CPEB3: variants seen among roughly 807,000 people sequenced by gnomAD.
The protein encoded by CPEB3 is cytoplasmic polyadenylation element binding protein 3.
Under a neutral mutation model 67.2 loss-of-function variants are expected in CPEB3, and 20 were observed. That is an observed-to-expected ratio of 0.30 (90% CI 0.21 to 0.43). The LOEUF (loss-of-function observed/expected upper bound fraction) is 0.43, where lower values mean the gene tolerates loss of function less well. Among genes scored for constraint, CPEB3 ranks in the 20% least tolerant of loss-of-function variants. CPEB3 has a pLI of 1.00. For missense variants in CPEB3, 746 were observed against 968.6 expected (o/e 0.77, Z 3.05); for synonymous variants, 376 against 393.1 (o/e 0.96, Z 0.51).
intron 1 of CPEB3, among the ~76,000 whole-genome samples, chr10:92,253,481 A>AAAAAAAAAG (rs1564910688): frequency 2.8e-4 from 41 of 144,800 alleles, no homozygotes; most frequent in Non-Finnish European, 4.8e-4. Flanking sequence ...AAAAAAAAAA[A>AAAAAAAAAG]AAAGAAAAGA....
intron 6 of CPEB3, among the ~76,000 whole-genome samples, chr10:92,119,321 A>G (rs855708): frequency 6.6e-6 from 1 of 152,038 alleles, no homozygotes; most frequent in Non-Finnish European, 1.5e-5. Flanking sequence ...ACCTTGTAGA[A>G]CATAAGAGTG....
intron 2 of CPEB3, among the ~76,000 whole-genome samples, chr10:92,238,382 C>T (rs958267851): frequency 2.0e-5 from 3 of 152,180 alleles, no homozygotes. Flanking sequence ...CTCTTCATTT[C>T]AACCTTTTTG....
chr10:92,210,222 G>C (rs1402735917), intron 2 of CPEB3, among the ~76,000 whole-genome samples: 1 of 152,152 alleles, frequency 6.6e-6, no homozygotes, highest in African/African-American at 2.4e-5. Flanking sequence ...TAATCTCCCT[G>C]TGTATGAGTT....
At chr10:92,199,962 A>G (rs1171779550) in intron 2 of CPEB3, among the ~76,000 whole-genome samples, 2 of 151,874 alleles carry the variant, frequency 1.3e-5, no homozygotes, top group Non-Finnish European at 2.9e-5. Context: ...TCCTGCCTCC[A>G]CTCACTGTCT....
At chr10:92,052,530 T>TTGA in intron 9 of CPEB3, 91 bp from the exon 10 acceptor site, 1 of 1,084,606 alleles carries the variant, frequency 9.2e-7, no homozygotes, top group Non-Finnish European at 1.4e-6. Flanking sequence ...AGCTTCAACG[T>TTGA]ATGTCTCAAT....
At chr10:92,066,067 A>G (rs1842536402) in intron 9 of CPEB3, among the ~76,000 whole-genome samples, 2 of 152,068 alleles carry the variant, frequency 1.3e-5, no homozygotes, top group African/African-American at 4.8e-5. Flanking sequence ...ACTGCACTCC[A>G]AACTGGGTGA....
chr10:92,222,464 G>C (rs544881285), intron 2 of CPEB3, among the ~76,000 whole-genome samples: 28 of 152,250 alleles, frequency 1.8e-4, no homozygotes, highest in African/African-American at 6.7e-4. Flanking sequence ...TTTAGAAAAA[G>C]CTAGATACAA....
chr10:92,235,754 C>G (rs968744206), intron 2 of CPEB3, among the ~76,000 whole-genome samples: 1 of 152,208 alleles, frequency 6.6e-6, no homozygotes, highest in Non-Finnish European at 1.5e-5. Context: ...TTGCTTATGA[C>G]AGAAATTATC....
At position 92,285,947 on chromosome 10, in the gene CPEB3, C is replaced by CTT. The variant is rs11380868; in HGVS notation, c.-12+4977_-12+4978dup. Among the ~76,000 whole-genome samples, 1,334 of 142,736 alleles carry CTT rather than the reference C, an allele frequency of 9.3e-3. 27 individuals carry two copies. Among genetic ancestry groups the CTT allele is most frequent in the African/African-American group, 0.032 (1,262 of 38,960 alleles). The allele number at this position is 142,736 out of a possible 152,430, so 93.6% of individuals were successfully genotyped here. On this transcript the variant is annotated intron_variant, in intron 1 of 9. Coordinates refer to ENST00000265997, the MANE Select transcript of CPEB3 (RefSeq NM_014912.5). Reference sequence around the variant, plus strand: ...TATACTCTGTTTTATTTGCTTTTTTCTTTTTTTTTTTTTGAGAGGGAGTCT... The same window carrying CTT: ...TATACTCTGTTTTATTTGCTTTTTTCTTTTTTTTTTTTTTTGAGAGGGAGTCT...
chr10:92,149,105 T>A lies in CPEB3; in HGVS notation c.1223-4020A>T, dbSNP rs540161254. On this transcript the variant is annotated intron_variant, in intron 4 of 9. Transcript: ENST00000265997. ...TAGTAGAGACAAGGTTTCGCCGTGT[T>A]GGCCAGGCTGGTCTTGAACTCCTGA... Among the ~76,000 whole-genome samples, 3 of 152,326 alleles carry A rather than the reference T, an allele frequency of 2.0e-5. No individual in the cohort carries two copies. In the South Asian group the frequency reaches 6.2e-4, roughly 32 times the overall value.
chr10:92,277,444 A>C (rs1564927876), intron 1 of CPEB3, among the ~76,000 whole-genome samples: 1 of 152,194 alleles, frequency 6.6e-6, no homozygotes, highest in African/African-American at 2.4e-5. Flanking sequence ...AAATCTATTG[A>C]CTATAAAAGT....
chr10:92,237,374 C>T (rs1361729136), intron 2 of CPEB3, among the ~76,000 whole-genome samples: 1 of 152,244 alleles, frequency 6.6e-6, no homozygotes, highest in Non-Finnish European at 1.5e-5. Flanking sequence ...TATCCAATAG[C>T]ATCACCAGGG....
chr10:92,072,634 A>AC (rs1384435097), intron 9 of CPEB3, among the ~76,000 whole-genome samples: 1 of 152,218 alleles, frequency 6.6e-6, no homozygotes, highest in Non-Finnish European at 1.5e-5. Context: ...CTAGGAATAG[A>AC]CCCAGATCTC....
intron 2 of CPEB3, among the ~76,000 whole-genome samples, chr10:92,232,316 A>G (rs1256198165): frequency 3.3e-5 from 5 of 151,876 alleles, no homozygotes; most frequent in Non-Finnish European, 7.4e-5. Context: ...CGGCCTCCCA[A>G]AGTGCTGGGA....
At chr10:92,052,547 C>T (rs1366723355) in intron 9 of CPEB3, 108 bp from the exon 10 acceptor site, 1 of 872,474 alleles carries the variant, frequency 1.1e-6, no homozygotes, top group African/African-American at 1.7e-5. Flanking sequence ...CAATCAGACG[C>T]TGCTTTCAAC....
At chr10:92,245,133 C>CTT (rs989695063) in intron 1 of CPEB3, among the ~76,000 whole-genome samples, 1,306 of 98,012 alleles carry the variant, frequency 0.013, 21 homozygotes, top group Non-Finnish European at 0.015. Context: ...AGAAAAGAGT[C>CTT]TTTTTTTTTT....
chr10:92,241,654 C>A (rs1369529578), intron 1 of CPEB3, among the ~76,000 whole-genome samples: 1 of 152,078 alleles, frequency 6.6e-6, no homozygotes, highest in Non-Finnish European at 1.5e-5. Context: ...GGGCTATATT[C>A]ACCTCTACCA....
At chr10:92,151,154 G>A (rs1251287617) in intron 4 of CPEB3, among the ~76,000 whole-genome samples, 1 of 152,250 alleles carries the variant, frequency 6.6e-6, no homozygotes. Context: ...TCCCCAGAAG[G>A]CTCCCTTTCC....
At chr10:92,110,880 A>T (rs1415959575) in intron 7 of CPEB3, among the ~76,000 whole-genome samples, 196 bp downstream of exon 7, 1 of 152,244 alleles carries the variant, frequency 6.6e-6, no homozygotes, top group Non-Finnish European at 1.5e-5. Flanking sequence ...ACACAGTCCC[A>T]AAGGTATAAA....
Sources: allele counts gnomAD v4.1 joint callset (sites outside exome capture counted in the v4.1 genomes callset), GRCh38; gene constraint gnomAD v4.1.1; transcripts MANE v1.5; gene names NCBI Gene and HGNC (gene_info 2026-07-23, HGNC 2026-07-21).